Variants in KYNU observed in about 807,000 individuals in gnomAD.
The protein encoded by KYNU is kynureninase.
KYNU carries 54 observed loss-of-function variants against 59.2 expected under a neutral mutation model. The observed-to-expected ratio is 0.91, with a 90% CI of 0.73 to 1.14. The LOEUF (loss-of-function observed/expected upper bound fraction) is 1.14. Among genes scored for constraint, KYNU ranks in the 50% most tolerant of loss-of-function variants. The pLI, the probability that KYNU is intolerant of heterozygous loss-of-function variation, is 0.00. For synonymous variants in KYNU, 177 were observed against 192.0 expected (o/e 0.92, Z 0.65); for missense variants, 567 against 554.4 (o/e 1.02, Z -0.23).
At chr2:143,014,238 G>A (rs573871729) in intron 10 of KYNU, among the ~76,000 whole-genome samples, 1 of 152,288 alleles carries the variant, frequency 6.6e-6, no homozygotes, top group African/African-American at 2.4e-5. Flanking sequence ...TCAAACATAT[G>A]TGGAGTTCCC....
intron 8 of KYNU, chr2:142,967,376 T>C (rs1291969327): frequency 6.6e-6 from 1 of 152,178 alleles, no homozygotes; most frequent in East Asian, 1.9e-4. Context: ...AACTCCAACA[T>C]TGTTTTATTA....
chr2:142,961,753 A>G (rs1230455608), intron 8 of KYNU, among the ~76,000 whole-genome samples: 1 of 152,112 alleles, frequency 6.6e-6, no homozygotes, highest in African/African-American at 2.4e-5. Flanking sequence ...TTTATTTGAA[A>G]AAAAAGGGCA....
chr2:143,020,837 A>G (rs1485096923), intron 10 of KYNU, among the ~76,000 whole-genome samples: 1 of 152,200 alleles, frequency 6.6e-6, no homozygotes, highest in Non-Finnish European at 1.5e-5. Flanking sequence ...AATGGTGTTT[A>G]TCTTTATAAC....
At chr2:142,986,852 T>C (rs903050655) in intron 10 of KYNU, among the ~76,000 whole-genome samples, 1 of 151,864 alleles carries the variant, frequency 6.6e-6, no homozygotes, top group Non-Finnish European at 1.5e-5. Flanking sequence ...AGTGGTAAAA[T>C]CTTTACAAGA....
chr2:142,890,241 A>G (rs1490588127), intron 2 of KYNU, among the ~76,000 whole-genome samples: 1 of 152,170 alleles, frequency 6.6e-6, no homozygotes, highest in Non-Finnish European at 1.5e-5. Flanking sequence ...ATGTGGAAAG[A>G]TATCTTTCTA....
chr2:142,942,801 G>A (rs1209883148), intron 4 of KYNU, among the ~76,000 whole-genome samples: 9 of 152,190 alleles, frequency 5.9e-5, no homozygotes, highest in African/African-American at 2.2e-4. Context: ...TGCTTCTGGA[G>A]GCTTGTGTCC....
chr2:142,885,711 C>T (rs1681486560), intron 2 of KYNU, among the ~76,000 whole-genome samples, 175 bp downstream of exon 2: 2 of 152,174 alleles, frequency 1.3e-5, no homozygotes, highest in Non-Finnish European at 2.9e-5. Context: ...CTACCTTAGC[C>T]TCAAATTATC....
At chr2:142,898,831 T>C (rs1309156946) in intron 2 of KYNU, among the ~76,000 whole-genome samples, 1 of 152,172 alleles carries the variant, frequency 6.6e-6, no homozygotes, top group African/African-American at 2.4e-5. Context: ...TATAGCTCTA[T>C]TAGAAGCTGT....
At chr2:142,968,643 G>A (rs548196184) in intron 8 of KYNU, among the ~76,000 whole-genome samples, 7 of 152,294 alleles carry the variant, frequency 4.6e-5, no homozygotes, top group East Asian at 1.9e-4. Flanking sequence ...CGTGGGCGCC[G>A]TAGCTCACGC....
intron 8 of KYNU, among the ~76,000 whole-genome samples, chr2:142,973,447 C>T (rs1459718167): frequency 2.0e-5 from 3 of 152,144 alleles, no homozygotes; most frequent in Non-Finnish European, 2.9e-5. Flanking sequence ...TACACTGGCC[C>T]CTCCATACCC....
intron 4 of KYNU, among the ~76,000 whole-genome samples, chr2:142,928,526 T>C (rs1683111036): frequency 6.6e-6 from 1 of 152,190 alleles, no homozygotes; most frequent in African/African-American, 2.4e-5. Flanking sequence ...CATTTGAATC[T>C]TGACCAGTAA....
intron 12 of KYNU, among the ~76,000 whole-genome samples, chr2:143,037,974 G>T (rs1215600279): frequency 6.6e-6 from 1 of 152,146 alleles, no homozygotes; most frequent in Non-Finnish European, 1.5e-5. Context: ...ATGATTTAAA[G>T]AGTGTTAACA....
At chr2:142,898,502 T>TA (rs1681960661) in intron 2 of KYNU, among the ~76,000 whole-genome samples, 1 of 152,168 alleles carries the variant, frequency 6.6e-6, no homozygotes. Context: ...TCAATGGTAT[T>TA]AAAAACAATG....
intron 2 of KYNU, among the ~76,000 whole-genome samples, chr2:142,886,927 T>C (rs1681534698): frequency 6.6e-6 from 1 of 152,084 alleles, no homozygotes; most frequent in South Asian, 2.1e-4. Flanking sequence ...TCCCAGCACT[T>C]TGGGAGGCCG....
At chr2:143,036,178 C>T (rs1168896098) in intron 12 of KYNU, among the ~76,000 whole-genome samples, 1 of 151,908 alleles carries the variant, frequency 6.6e-6, no homozygotes, top group Non-Finnish European at 1.5e-5. Flanking sequence ...TTTTTCAGTG[C>T]TATAAAGAAA....
chr2:142,937,669 A>G (rs1011248935), intron 4 of KYNU, among the ~76,000 whole-genome samples: 7 of 152,240 alleles, frequency 4.6e-5, no homozygotes, highest in Non-Finnish European at 2.9e-5. Context: ...TGAGGTACAG[A>G]AACAGCCTGA....
chr2:143,039,840 C>G (rs776898606), intron 12 of KYNU, among the ~76,000 whole-genome samples: 40 of 152,096 alleles, frequency 2.6e-4, no homozygotes, highest in Middle Eastern at 3.2e-3. Flanking sequence ...CTTATCTTGT[C>G]TTCTGCTAAA....
In KYNU at chr2:143,040,442, G is replaced by C; in HGVS notation, c.1056G>C (p.Ala352=). ...LHASLEIFKQ[A]TMKALRKKSV... The stretch of plus-strand genomic sequence containing the variant: ...TCATTCCACAGATCTTTAAGCAAGC[G>C]ACAATGAAGGCATTGCGGAAAAAAT... The change falls in exon 13 of 14, where the codon GCG becomes GCC. Residue 352 remains alanine (A), a synonymous_variant. Transcript: ENST00000264170. 6.2e-7 allele frequency: 1 copy of C among 1,612,034 alleles called. No individual in the cohort carries two copies. The highest frequency in any genetic ancestry group is 8.5e-7 in the Non-Finnish European group (1 of 1,178,524).
intron 10 of KYNU, among the ~76,000 whole-genome samples, chr2:142,986,546 TACATAA>T (rs1685206374): frequency 6.6e-6 from 1 of 151,926 alleles, no homozygotes; most frequent in African/African-American, 2.4e-5. Context: ...ACAGACTGAC[TACATAA>T]AAAGTAATAC....
Sources: allele counts gnomAD v4.1 joint callset (sites outside exome capture counted in the v4.1 genomes callset), GRCh38; gene constraint gnomAD v4.1.1; transcripts MANE v1.5; gene names NCBI Gene and HGNC (gene_info 2026-07-23, HGNC 2026-07-21).